The following CADM1 variants were observed in gnomAD, a reference collection of about 807,000 sequenced individuals.
CADM1 encodes the protein cell adhesion molecule 1, also known as TSLC-1.
In CADM1, 15 loss-of-function variants were observed where a neutral mutation model predicts 53.1. That is an observed-to-expected ratio of 0.28 (90% confidence interval 0.19 to 0.44). CADM1 has a LOEUF of 0.44. CADM1 is among the 20% of genes least tolerant of loss of function. CADM1 has a pLI of 1.00. For synonymous variants in CADM1, 281 were observed against 243.0 expected (o/e 1.16, Z -1.45); for missense variants, 434 against 611.3 (o/e 0.71, Z 3.06).
intron 1 of CADM1, among the ~76,000 whole-genome samples, chr11:115,372,408 C>T (rs751230447): frequency 6.6e-5 from 10 of 151,960 alleles, no homozygotes; most frequent in Non-Finnish European, 1.5e-4. Context: ...GAAAAAAATA[C>T]CAGGAATCAG....
At chr11:115,297,174 A>C (rs1944101029) in intron 1 of CADM1, among the ~76,000 whole-genome samples, 1 of 152,202 alleles carries the variant, frequency 6.6e-6, no homozygotes, top group Non-Finnish European at 1.5e-5. Flanking sequence ...AAAATGGTTC[A>C]GTTCAAGTTT....
chr11:115,501,520 A>G (rs1002984781), intron 1 of CADM1, among the ~76,000 whole-genome samples: 2 of 152,192 alleles, frequency 1.3e-5, no homozygotes, highest in African/African-American at 4.8e-5. Context: ...TGAACGTATA[A>G]CAGGCGTGAT....
At chr11:115,253,682 T>G (rs1942680856) in intron 1 of CADM1, among the ~76,000 whole-genome samples, 1 of 152,220 alleles carries the variant, frequency 6.6e-6, no homozygotes, top group Non-Finnish European at 1.5e-5. Context: ...CACCTATTAC[T>G]AATCTACTCA....
In CADM1 at chr11:115,173,459, A is replaced by C. The variant is rs1938870022; in HGVS notation, c.*3015T>G. ...CAAGGACAGGAAGGATGAGCGGAGA[A>C]GGAGAGAGAGCGCGGCCCCCAGCAA... On this transcript the variant is annotated 3_prime_UTR_variant, in exon 12 of 12. Transcript: ENST00000331581. The C allele has an allele frequency of 6.6e-6, 1 of 152,446 alleles. No homozygotes were observed. Among genetic ancestry groups the C allele is most frequent in the Non-Finnish European group, 1.5e-5 (1 of 68,254 alleles). The allele number at this position is 152,446 out of a possible 1,614,324, so 9.4% of individuals were successfully genotyped here.
intron 1 of CADM1, among the ~76,000 whole-genome samples, chr11:115,323,892 A>C (rs1294748244): frequency 1.3e-5 from 2 of 149,824 alleles, no homozygotes; most frequent in Admixed American, 1.3e-4. Flanking sequence ...CGAAAAAGGA[A>C]AAAAAAAAAA....
chr11:115,356,314 T>C (rs1244271763), intron 1 of CADM1, among the ~76,000 whole-genome samples: 1 of 150,560 alleles, frequency 6.6e-6, no homozygotes, highest in East Asian at 1.9e-4. Flanking sequence ...CTAAATAACC[T>C]GCGAATTTGG....
At chr11:115,176,847 G>A (rs1391603508) in intron 11 of CADM1, among the ~76,000 whole-genome samples, 2 of 152,192 alleles carry the variant, frequency 1.3e-5, no homozygotes, top group Non-Finnish European at 2.9e-5. Flanking sequence ...ATGACCAGAG[G>A]ATGTCAGCAG....
At chr11:115,503,361 G>A (rs1002660795) in intron 1 of CADM1, among the ~76,000 whole-genome samples, 2 of 152,318 alleles carry the variant, frequency 1.3e-5, no homozygotes, top group African/African-American at 4.8e-5. Context: ...TCCCAAGACT[G>A]CTCTTCACGC....
chr11:115,376,555 C>T (rs1319656552), intron 1 of CADM1, among the ~76,000 whole-genome samples: 1 of 152,118 alleles, frequency 6.6e-6, no homozygotes, highest in East Asian at 1.9e-4. Flanking sequence ...AAAATCAAAA[C>T]ATAATTGCTA....
chr11:115,363,469 C>T (rs900528340), intron 1 of CADM1, among the ~76,000 whole-genome samples: 1 of 152,070 alleles, frequency 6.6e-6, no homozygotes, highest in African/African-American at 2.4e-5. Flanking sequence ...GGACAGTGAT[C>T]GATTTGTTTG....
chr11:115,340,659 T>TATATATATATATATATATATA (rs1555069295), intron 1 of CADM1, among the ~76,000 whole-genome samples: 1 of 16,514 alleles, frequency 6.1e-5, no homozygotes, highest in African/African-American at 2.0e-4. Context: ...TATATATATA[T>TATATATATATATATATATATA]TTTTTTTTTT....
chr11:115,478,651 G>A (rs1318788564), intron 1 of CADM1, among the ~76,000 whole-genome samples: 1 of 152,060 alleles, frequency 6.6e-6, no homozygotes, highest in Non-Finnish European at 1.5e-5. Context: ...GAAAGTAAAA[G>A]TCCTTCATAA....
At chr11:115,176,979 A>G (rs1939065947) in intron 11 of CADM1, among the ~76,000 whole-genome samples, 1 of 152,228 alleles carries the variant, frequency 6.6e-6, no homozygotes, top group Non-Finnish European at 1.5e-5. Flanking sequence ...AGACCAAAGC[A>G]AGGAAGAGCA....
At chr11:115,278,608 G>A (rs975308271) in intron 1 of CADM1, among the ~76,000 whole-genome samples, 1 of 152,114 alleles carries the variant, frequency 6.6e-6, no homozygotes, top group African/African-American at 2.4e-5. Flanking sequence ...GAGGGAACAG[G>A]GTAAAGAGGT....
At chr11:115,216,324 T>C (rs183900232) in intron 6 of CADM1, among the ~76,000 whole-genome samples, 8 of 152,166 alleles carry the variant, frequency 5.3e-5, no homozygotes, top group African/African-American at 1.9e-4. Flanking sequence ...AACATGTAAT[T>C]TACTGTCCCC....
intron 1 of CADM1, among the ~76,000 whole-genome samples, chr11:115,482,412 C>T (rs1271031099): frequency 2.0e-5 from 3 of 152,142 alleles, no homozygotes; most frequent in Admixed American, 2.0e-4. Flanking sequence ...TTATCAGTGT[C>T]TAGCACATAG....
intron 1 of CADM1, among the ~76,000 whole-genome samples, chr11:115,339,499 A>G (rs1410161863): frequency 6.6e-6 from 1 of 152,146 alleles, no homozygotes; most frequent in East Asian, 1.9e-4. Context: ...CCATCTAAAC[A>G]TGGTGTAATT....
chr11:115,192,986 C>T (rs1939959909), intron 9 of CADM1, among the ~76,000 whole-genome samples: 1 of 152,090 alleles, frequency 6.6e-6, no homozygotes, highest in Non-Finnish European at 1.5e-5. Context: ...ATTGTGTGAA[C>T]CTACAATACT....
rs1938712666 is a variant in CADM1 at position 115,169,239 on chromosome 11, G to A, written c.*7235C>T. 2 of 20,578 alleles carry A rather than the reference G, an allele frequency of 9.7e-5. No homozygotes were observed. The highest frequency in any genetic ancestry group is 2.1e-4 in the Non-Finnish European group (1 of 4,838). 1.3% of individuals were successfully genotyped at this position (20,578 alleles called of 1,614,324 possible). On this transcript the variant is annotated 3_prime_UTR_variant, in exon 12 of 12. Transcript: ENST00000331581. ...TTTTTTTTTTTTTTTTTTTTTTAAG[G>A]CATAGCCTTTGTAACTGAAGCCAGA...
Sources: gnomAD v4.1 joint callset for allele counts (sites outside exome capture counted in the v4.1 genomes callset) on GRCh38, gnomAD v4.1.1 for gene constraint, MANE v1.5 for transcripts, NCBI Gene and HGNC (gene_info 2026-07-23, HGNC 2026-07-21) for gene names.